MATN2: variants seen among roughly 807,000 people sequenced by gnomAD.
MATN2 encodes the protein matrilin-2.
MATN2 carries 69 observed loss-of-function variants against 103.2 expected under a neutral mutation model. That is an observed-to-expected ratio of 0.67 (90% confidence interval 0.55 to 0.82). The LOEUF is 0.82. MATN2 is among the 40% of genes least tolerant of loss of function. The probability of loss-of-function intolerance (pLI) is 0.00; values close to 1 mark genes in which losing one functional copy is unlikely to be tolerated. For missense variants in MATN2, 1,023 were observed against 1,211.5 expected (o/e 0.84, Z 2.31); for synonymous variants, 429 against 450.2 (o/e 0.95, Z 0.60).
chr8:97,881,869 T>G (rs1454482511), intron 1 of MATN2, among the ~76,000 whole-genome samples: 1 of 152,090 alleles, frequency 6.6e-6, no homozygotes, highest in Admixed American at 6.6e-5. Flanking sequence ...TGATTTTATG[T>G]TGGCATCTAT....
chr8:97,907,747 T>C (rs571318614), intron 2 of MATN2, among the ~76,000 whole-genome samples: 8 of 152,302 alleles, frequency 5.3e-5, no homozygotes, highest in Admixed American at 2.0e-4. Context: ...ACCTCCCTCA[T>C]AGAGTGGTTA....
chr8:97,942,013 T>C, intron 4 of MATN2, 114 bp downstream of exon 4: 2 of 1,312,552 alleles, frequency 1.5e-6, no homozygotes, highest in Non-Finnish European at 1.1e-6. Context: ...CCAGTTATCA[T>C]CCCTTGGGGA....
intron 5 of MATN2, among the ~76,000 whole-genome samples, chr8:97,966,444 C>T (rs1039902680): frequency 2.0e-5 from 3 of 150,574 alleles, no homozygotes; most frequent in Admixed American, 1.3e-4. Flanking sequence ...GAAGTCCCAG[C>T]TACTCCAGAG....
chr8:98,029,214 A>C (rs149086138), intron 14 of MATN2, among the ~76,000 whole-genome samples: 4 of 152,318 alleles, frequency 2.6e-5, no homozygotes, highest in African/African-American at 9.6e-5. Flanking sequence ...TGGTAGCCAC[A>C]AAGTGTCCTG....
At chr8:97,904,828 T>TG (rs11430670) in intron 2 of MATN2, among the ~76,000 whole-genome samples, 22,358 of 152,060 alleles carry the variant, frequency 0.15, 1,883 homozygotes, top group Admixed American at 0.24. Context: ...CTGGGATCCA[T>TG]GTCCCTCAAA....
At chr8:97,964,868 G>C (rs1167236477) in intron 5 of MATN2, among the ~76,000 whole-genome samples, 1 of 152,000 alleles carries the variant, frequency 6.6e-6, no homozygotes, top group Non-Finnish European at 1.5e-5. Flanking sequence ...CAAGTTGCTG[G>C]GACCACAGGT....
chr8:97,909,027 C>A (rs1819274837), intron 2 of MATN2, among the ~76,000 whole-genome samples: 1 of 152,192 alleles, frequency 6.6e-6, no homozygotes, highest in Admixed American at 6.5e-5. Context: ...CAGCCTCTGC[C>A]TCCCATGCTC....
At chr8:98,012,890 A>G (rs1813219471) in intron 10 of MATN2, among the ~76,000 whole-genome samples, 1 of 152,168 alleles carries the variant, frequency 6.6e-6, no homozygotes, top group Non-Finnish European at 1.5e-5. Flanking sequence ...CTCATCTTTA[A>G]TGAAGGGGTT....
At position 98,023,132 on chromosome 8, in the gene MATN2, G is replaced by A. The variant is rs141600242; in HGVS notation, c.1942+1805G>A. On this transcript the variant is annotated intron_variant, in intron 13 of 18. Coordinates refer to ENST00000254898, the MANE Select transcript of MATN2 (RefSeq NM_002380.5). ...AATAAATAAAATACAAAAATTAGCCGGGTGTGGTGGCATGCACCTATAATC... is the reference window on the plus strand; with the variant it reads ...AATAAATAAAATACAAAAATTAGCCAGGTGTGGTGGCATGCACCTATAATC... 6.6e-4 allele frequency among the ~76,000 whole-genome samples: 101 copies of A among 152,020 alleles called. No homozygotes were observed. The East Asian group carries it at 0.017, about 25-fold the overall frequency.
At chr8:98,013,508 C>A (rs1181588536) in intron 10 of MATN2, among the ~76,000 whole-genome samples, 3 of 152,328 alleles carry the variant, frequency 2.0e-5, no homozygotes, top group South Asian at 2.1e-4. Context: ...TCCTAGGGAT[C>A]TGTTAGGTGC....
At chr8:98,017,457 T>C (rs924465440) in intron 11 of MATN2, among the ~76,000 whole-genome samples, 4 of 152,366 alleles carry the variant, frequency 2.6e-5, no homozygotes, top group Admixed American at 1.3e-4. Context: ...TCCATCCATA[T>C]CAGTTATCTT....
chr8:97,914,358 C>CT (rs149996231), intron 2 of MATN2, among the ~76,000 whole-genome samples: 1,201 of 52,998 alleles, frequency 0.023, 137 homozygotes, highest in East Asian at 0.027. Flanking sequence ...AAATCCAGAC[C>CT]TTTTTTTTTT....
At chr8:97,964,923 G>A (rs752812918) in intron 5 of MATN2, among the ~76,000 whole-genome samples, 3 of 151,020 alleles carry the variant, frequency 2.0e-5, no homozygotes, top group Non-Finnish European at 4.4e-5. Flanking sequence ...TGGTAGAGAT[G>A]GGGTCTTGCT....
chr8:98,016,735 A>G, intron 11 of MATN2, 73 bp downstream of exon 11: 1 of 1,543,948 alleles, frequency 6.5e-7, no homozygotes, highest in Non-Finnish European at 8.8e-7. Flanking sequence ...TTATCTCTGT[A>G]TATATCAGTT....
At chr8:97,966,047 G>A (rs1811468006) in intron 5 of MATN2, among the ~76,000 whole-genome samples, 1 of 152,050 alleles carries the variant, frequency 6.6e-6, no homozygotes, top group Non-Finnish European at 1.5e-5. Context: ...ACAGCTACTT[G>A]GGAGGCTGAG....
intron 13 of MATN2, among the ~76,000 whole-genome samples, chr8:98,026,653 A>G (rs1022489073): frequency 6.6e-6 from 1 of 152,182 alleles, no homozygotes; most frequent in Non-Finnish European, 1.5e-5. Flanking sequence ...CCACACATTT[A>G]CTGAACACTT....
chr8:97,967,135 T>A (rs947765906), intron 5 of MATN2, among the ~76,000 whole-genome samples: 5 of 152,144 alleles, frequency 3.3e-5, no homozygotes, highest in African/African-American at 4.8e-5. Context: ...ATCACCAAGA[T>A]GATAACACTA....
chr8:97,992,156 G>A (rs10106983), intron 6 of MATN2, among the ~76,000 whole-genome samples: 52,358 of 152,020 alleles, frequency 0.34, 10,196 homozygotes, highest in African/African-American at 0.54. Context: ...TAGGAAACAC[G>A]GACTGTTTTT....
At chr8:97,945,705 G>GA (rs71303437) in intron 4 of MATN2, among the ~76,000 whole-genome samples, 12,500 of 119,772 alleles carry the variant, frequency 0.1, 781 homozygotes, top group East Asian at 0.19. Context: ...ACACACTATA[G>GA]AAAAAAAAAA....
Sources: allele counts gnomAD v4.1 joint callset (sites outside exome capture counted in the v4.1 genomes callset), GRCh38; gene constraint gnomAD v4.1.1; transcripts MANE v1.5; gene names NCBI Gene and HGNC (gene_info 2026-07-23, HGNC 2026-07-21).